Variants in MED27 observed in about 807,000 individuals in gnomAD.
The protein encoded by MED27 is mediator complex subunit 27.
MED27 carries 30 observed loss-of-function variants against 38.2 expected under a neutral mutation model. The ratio of observed to expected loss-of-function variants is 0.79; its 90% CI spans 0.59 to 1.07. The LOEUF (loss-of-function observed/expected upper bound fraction) is 1.07, where lower values mean the gene tolerates loss of function less well. MED27 is among the 50% of genes least tolerant of loss of function. The probability of loss-of-function intolerance (pLI) is 0.00; values close to 1 mark genes in which losing one functional copy is unlikely to be tolerated. For missense variants in MED27, 289 were observed against 397.5 expected (o/e 0.73, Z 2.32); for synonymous variants, 122 against 153.5 (o/e 0.79, Z 1.52).
intron 6 of MED27, among the ~76,000 whole-genome samples, chr9:131,866,097 A>T (rs1188699309): frequency 6.6e-6 from 1 of 151,876 alleles, no homozygotes; most frequent in Non-Finnish European, 1.5e-5. Context: ...AACCAACAAG[A>T]CCCTGCACTC....
Position 132,054,562 on chromosome 9 carries a change from C to T in MED27, c.348+22880G>A, listed in dbSNP as rs535505328. On this transcript the variant is annotated intron_variant, in intron 2 of 7. Coordinates refer to ENST00000292035, the MANE Select transcript of MED27 (RefSeq NM_004269.4). ...CCAAGCAGCTGGGACTACAGGGGCACGACCACACCCAGCTAACTTTTTTTG... is the reference window on the plus strand; with the variant it reads ...CCAAGCAGCTGGGACTACAGGGGCATGACCACACCCAGCTAACTTTTTTTG... 4.6e-5 allele frequency among the ~76,000 whole-genome samples: 7 copies of T among 152,226 alleles called. No individual in the cohort carries two copies. In the East Asian group the frequency reaches 5.8e-4, roughly 13 times the overall value.
chr9:132,047,244 G>C (rs1000237636), intron 2 of MED27, among the ~76,000 whole-genome samples: 2 of 152,050 alleles, frequency 1.3e-5, no homozygotes, highest in African/African-American at 4.8e-5. Flanking sequence ...AGCAAAGACA[G>C]AGGCAGAGCA....
chr9:131,942,738 G>A (rs551362736), intron 3 of MED27, among the ~76,000 whole-genome samples: 115 of 152,266 alleles, frequency 7.6e-4, no homozygotes, highest in African/African-American at 2.6e-3. Context: ...GAAATGAGGT[G>A]GGTTAAGTGA....
At chr9:132,033,575 G>A (rs1833009415) in intron 2 of MED27, among the ~76,000 whole-genome samples, 1 of 152,242 alleles carries the variant, frequency 6.6e-6, no homozygotes, top group Non-Finnish European at 1.5e-5. Flanking sequence ...TGTCATCAGA[G>A]TGTGGTATTT....
At position 132,063,015 on chromosome 9, in the gene MED27, G is replaced by C. The variant is rs948559847; in HGVS notation, c.348+14427C>G. ...GGGAAAAGGACCAGATGTAAGACAG[G>C]GCTCAGTGAGGAAGCTGTTGCAAGT... On this transcript the variant is annotated intron_variant, in intron 2 of 7. Transcript: ENST00000292035. Among the ~76,000 whole-genome samples the C allele has an allele frequency of 7.2e-5, 11 of 152,188 alleles. 1 individual carries two copies. The highest frequency in any genetic ancestry group is 2.7e-4 in the African/African-American group (11 of 41,436).
At chr9:131,926,022 C>T (rs1452437349) in intron 4 of MED27, among the ~76,000 whole-genome samples, 1 of 152,346 alleles carries the variant, frequency 6.6e-6, no homozygotes, top group Non-Finnish European at 1.5e-5. Context: ...CCTGTGAGGC[C>T]CAGACTGGTG....
chr9:131,881,208 C>T (rs1325550045), intron 6 of MED27, among the ~76,000 whole-genome samples: 1 of 152,190 alleles, frequency 6.6e-6, no homozygotes, highest in African/African-American at 2.4e-5. Context: ...ATTTTTCAAC[C>T]AGCCACTGGG....
intron 4 of MED27, among the ~76,000 whole-genome samples, chr9:131,924,708 C>G (rs916856641): frequency 7.2e-5 from 11 of 152,274 alleles, no homozygotes; most frequent in South Asian, 4.1e-4. Flanking sequence ...CTGCACTGTT[C>G]TAATGATACA....
At chr9:132,025,776 G>A (rs147284848) in intron 2 of MED27, among the ~76,000 whole-genome samples, 151 of 152,310 alleles carry the variant, frequency 9.9e-4, no homozygotes, top group African/African-American at 3.6e-3. Context: ...TTAAGAACAT[G>A]AAAAGGGCTC....
rs935242466 is a variant in MED27 at position 132,079,706 on chromosome 9, C to T, written c.139G>A (p.Gly47Ser). 4.3e-6 allele frequency: 7 copies of T among 1,613,592 alleles called. No homozygotes were observed. Among genetic ancestry groups the T allele is most frequent in the Non-Finnish European group, 5.9e-6 (7 of 1,179,892 alleles). ...TGCGCAATAAAGGCCTTCTCCCGGCCCTCCAGCGTCTCCTTGTTCCGCATC... is the reference window on the plus strand; with the variant it reads ...TGCGCAATAAAGGCCTTCTCCCGGCTCTCCAGCGTCTCCTTGTTCCGCATC... ...DGMRNKETLE[G>S]REKAFIAHFQ... The change falls in exon 1 of 8, where the codon GGC (glycine) becomes AGC (serine). Residue 47 changes from glycine (G) to serine (S), a missense_variant. By Grantham distance (56) the Gly-to-Ser change is moderately conservative. Coordinates refer to ENST00000292035, the MANE Select transcript of MED27 (RefSeq NM_004269.4).
intron 2 of MED27, among the ~76,000 whole-genome samples, chr9:132,039,265 G>A (rs917231397): frequency 2.0e-5 from 3 of 152,136 alleles, no homozygotes; most frequent in Non-Finnish European, 4.4e-5. Context: ...CTATGTGTCG[G>A]GCACTCTGCT....
intron 5 of MED27, among the ~76,000 whole-genome samples, chr9:131,885,961 G>A (rs1348697288): frequency 6.6e-6 from 1 of 152,198 alleles, no homozygotes. Flanking sequence ...GTCAGGTAGA[G>A]CCCTGGGCCA....
At chr9:131,975,485 C>T (rs1410533770) in intron 3 of MED27, among the ~76,000 whole-genome samples, 2 of 152,220 alleles carry the variant, frequency 1.3e-5, no homozygotes, top group Non-Finnish European at 2.9e-5. Flanking sequence ...CAAGCTTCAT[C>T]AATTTTCAGT....
At chr9:131,908,477 C>T (rs532762705) in intron 4 of MED27, among the ~76,000 whole-genome samples, 188 of 152,254 alleles carry the variant, frequency 1.2e-3, no homozygotes, top group African/African-American at 4.5e-3. Context: ...GGATGGGTGC[C>T]GTGTCTGTGT....
chr9:132,029,235 A>G (rs1225645690), intron 2 of MED27, among the ~76,000 whole-genome samples: 1 of 152,250 alleles, frequency 6.6e-6, no homozygotes, highest in Non-Finnish European at 1.5e-5. Context: ...CTACTCTAGT[A>G]CCAAGTTACT....
chr9:131,952,420 G>C (rs1189641766), intron 3 of MED27, among the ~76,000 whole-genome samples: 2 of 152,150 alleles, frequency 1.3e-5, no homozygotes, highest in African/African-American at 4.8e-5. Context: ...CTGGCGGCAG[G>C]GGGGCAGCAG....
At chr9:131,957,504 C>G (rs1831129278) in intron 3 of MED27, among the ~76,000 whole-genome samples, 1 of 152,178 alleles carries the variant, frequency 6.6e-6, no homozygotes, top group Admixed American at 6.5e-5. Context: ...GAGCCTCCCC[C>G]TTTGGCCTCC....
chr9:131,969,385 G>T (rs1233693243), intron 3 of MED27, among the ~76,000 whole-genome samples: 3 of 152,178 alleles, frequency 2.0e-5, no homozygotes, highest in South Asian at 4.1e-4. Flanking sequence ...GGTTGATTCA[G>T]TGTATATTTC....
At chr9:132,029,206 C>T (rs1278362663) in intron 2 of MED27, among the ~76,000 whole-genome samples, 1 of 152,136 alleles carries the variant, frequency 6.6e-6, no homozygotes, top group Non-Finnish European at 1.5e-5. Context: ...AGATTGAAAG[C>T]TTTTAGAATT....
Sources: allele counts gnomAD v4.1 joint callset (sites outside exome capture counted in the v4.1 genomes callset), GRCh38; gene constraint gnomAD v4.1.1; transcripts MANE v1.5; gene names NCBI Gene and HGNC (gene_info 2026-07-23, HGNC 2026-07-21).